Variants in SCN9A observed in about 807,000 individuals in gnomAD.
The protein encoded by SCN9A is sodium channel protein type 9 subunit alpha.
A neutral mutation model predicts 187.0 loss-of-function variants in SCN9A; 131 were observed. The ratio of observed to expected loss-of-function variants is 0.70; its 90% confidence interval spans 0.61 to 0.81. SCN9A has a LOEUF of 0.81. SCN9A is among the 30% of genes least tolerant of loss of function. The probability of loss-of-function intolerance (pLI) is 0.00; values close to 1 mark genes in which losing one functional copy is unlikely to be tolerated. For synonymous variants in SCN9A, 809 were observed against 808.6 expected (o/e 1.00, Z -0.01); for missense variants, 2,252 against 2,396.6 (o/e 0.94, Z 1.26).
At chr2:166,368,330 TC>T (rs2105326042) in intron 1 of SCN9A, among the ~76,000 whole-genome samples, 1 of 152,316 alleles carries the variant, frequency 6.6e-6, no homozygotes, top group Non-Finnish European at 1.5e-5. Context: ...TATGTATTTT[TC>T]CTTGTAACAG....
chr2:166,360,859 C>T (rs1700267364), intron 1 of SCN9A, among the ~76,000 whole-genome samples: 1 of 152,098 alleles, frequency 6.6e-6, no homozygotes, highest in South Asian at 2.1e-4. Flanking sequence ...AACACAAAAC[C>T]TTACGAAAAT....
At chr2:166,314,241 C>T (rs1699051811) in intron 1 of SCN9A, among the ~76,000 whole-genome samples, 1 of 152,104 alleles carries the variant, frequency 6.6e-6, no homozygotes, top group South Asian at 2.1e-4. Context: ...TGCAGGGTTG[C>T]CACAAACCTT....
At chr2:166,227,788 G>A (rs1218461961) in intron 22 of SCN9A, 65 bp from the exon 23 acceptor site, 2 of 819,228 alleles carry the variant, frequency 2.4e-6, no homozygotes, top group Non-Finnish European at 4.2e-6. Flanking sequence ...CATAAACAGA[G>A]TTTTGTCTGT....
chr2:166,332,980 T>A (rs887938027), intron 1 of SCN9A, among the ~76,000 whole-genome samples: 3 of 151,260 alleles, frequency 2.0e-5, no homozygotes, highest in Non-Finnish European at 3.0e-5. Flanking sequence ...CAAAAATATT[T>A]TTGTCCTCAA....
At chr2:166,202,453 T>G (rs1433922377) in intron 26 of SCN9A, among the ~76,000 whole-genome samples, 1 of 151,756 alleles carries the variant, frequency 6.6e-6, no homozygotes, top group Non-Finnish European at 1.5e-5. Flanking sequence ...TTTTGCAGAA[T>G]AAGCCACCTC....
chr2:166,355,013 G>A (rs988410246), intron 1 of SCN9A, among the ~76,000 whole-genome samples: 1 of 151,882 alleles, frequency 6.6e-6, no homozygotes, highest in Non-Finnish European at 1.5e-5. Flanking sequence ...ATAGCTGACT[G>A]CAACCTCCAA....
At chr2:166,256,636 A>C (rs73019688) in intron 17 of SCN9A, among the ~76,000 whole-genome samples, 1,884 of 151,654 alleles carry the variant, frequency 0.012, 42 homozygotes, top group African/African-American at 0.043. Flanking sequence ...AAGGGCAAGA[A>C]AACCAATTTT....
intron 1 of SCN9A, chr2:166,321,537 AAT>A (rs1193139748): frequency 2.1e-5 from 3 of 142,908 alleles, no homozygotes; most frequent in African/African-American, 7.8e-5. Context: ...AAAAAAAAAA[AAT>A]CTATCAATTC....
intron 18 of SCN9A, among the ~76,000 whole-genome samples, chr2:166,250,978 C>A (rs528078431): frequency 6.6e-6 from 1 of 150,972 alleles, no homozygotes; most frequent in South Asian, 2.1e-4. Context: ...GTAAACCATA[C>A]TAAAGTTTTG....
At chr2:166,268,100 T>C (rs1437072305) in intron 17 of SCN9A, among the ~76,000 whole-genome samples, 3 of 152,050 alleles carry the variant, frequency 2.0e-5, no homozygotes, top group African/African-American at 7.2e-5. Flanking sequence ...TCCATACTTA[T>C]AATAATTGTA....
intron 1 of SCN9A, among the ~76,000 whole-genome samples, chr2:166,356,041 G>A (rs919974525): frequency 2.6e-5 from 4 of 152,130 alleles, no homozygotes; most frequent in African/African-American, 9.7e-5. Flanking sequence ...AAAATGCTGG[G>A]ATTACAGGCG....
intron 26 of SCN9A, among the ~76,000 whole-genome samples, chr2:166,202,118 A>AT (rs749769678): frequency 1.8e-4 from 27 of 150,574 alleles, no homozygotes; most frequent in Admixed American, 9.9e-4. Context: ...CATTTCACCT[A>AT]TTTTTTGTCT....
chr2:166,325,367 A>C (rs184829398), intron 1 of SCN9A, among the ~76,000 whole-genome samples: 247 of 152,288 alleles, frequency 1.6e-3, no homozygotes, highest in African/African-American at 5.0e-3. Context: ...GAGATCCATT[A>C]GAAATGCTGA....
At chr2:166,316,617 C>A (rs1484325458) in intron 1 of SCN9A, among the ~76,000 whole-genome samples, 1 of 152,188 alleles carries the variant, frequency 6.6e-6, no homozygotes, top group Non-Finnish European at 1.5e-5. Flanking sequence ...TGGCGTGAAC[C>A]CAGGAGGCGG....
At chr2:166,324,242 G>A (rs1699310829) in intron 1 of SCN9A, among the ~76,000 whole-genome samples, 1 of 151,664 alleles carries the variant, frequency 6.6e-6, no homozygotes, top group African/African-American at 2.4e-5. Flanking sequence ...GCAGTGAGCC[G>A]AGATCGCGCC....
intron 1 of SCN9A, among the ~76,000 whole-genome samples, chr2:166,315,462 A>G (rs951835837): frequency 6.6e-6 from 1 of 152,198 alleles, no homozygotes; most frequent in African/African-American, 2.4e-5. Context: ...AGGGTGGTCA[A>G]TGCTAGTGGT....
chr2:166,340,541 C>CTTTCTTTCTTTCTTTCTTTCTTT (rs1559050847), intron 1 of SCN9A, among the ~76,000 whole-genome samples: 1 of 67,822 alleles, frequency 1.5e-5, no homozygotes, highest in African/African-American at 1.2e-4. Context: ...CTTTTCTTTC[C>CTTTCTTTCTTTCTTTCTTTCTTT]CTTTCTTTCT....
intron 26 of SCN9A, among the ~76,000 whole-genome samples, chr2:166,201,281 C>CCT (rs1558942271): frequency 3.3e-4 from 47 of 141,340 alleles, no homozygotes; most frequent in Admixed American, 1.6e-3. Context: ...ATATACTATA[C>CCT]ATATACATAT....
intron 17 of SCN9A, among the ~76,000 whole-genome samples, chr2:166,253,507 A>G (rs938148905): frequency 7.9e-5 from 12 of 151,874 alleles, no homozygotes; most frequent in Non-Finnish European, 1.2e-4. Context: ...GCTTTAAAGT[A>G]TAAACTATAG....
Sources: gnomAD v4.1 joint callset for allele counts (sites outside exome capture counted in the v4.1 genomes callset) on GRCh38, gnomAD v4.1.1 for gene constraint, MANE v1.5 for transcripts, NCBI Gene and HGNC (gene_info 2026-07-23, HGNC 2026-07-21) for gene names.